CPED1: variants seen among roughly 807,000 people sequenced by gnomAD.
CPED1 encodes the protein cadherin like and PC-esterase domain containing 1, also known as cadherin-like and PC-esterase domain-containing protein 1.
In CPED1, 114 loss-of-function variants were observed where a neutral mutation model predicts 128.2. The observed-to-expected ratio is 0.89, with a 90% CI of 0.76 to 1.04. CPED1 has a LOEUF of 1.04. CPED1 is among the 50% of genes least tolerant of loss of function. The pLI is 0.00. For synonymous variants in CPED1, 462 were observed against 426.7 expected, an observed-to-expected ratio of 1.08 and a Z score of -1.02; for missense variants, 1,211 against 1,207.1, an observed-to-expected ratio of 1.00 and a Z score of -0.05.
chr7:121,026,011 ACT>A (rs1425399452), intron 3 of CPED1, among the ~76,000 whole-genome samples: 3 of 151,466 alleles, frequency 2.0e-5, no homozygotes, highest in Admixed American at 1.3e-4. Flanking sequence ...ATATTCCCTC[ACT>A]CTCTCAGCTC....
intron 18 of CPED1, among the ~76,000 whole-genome samples, chr7:121,245,382 G>A (rs961312634): frequency 1.2e-4 from 18 of 152,032 alleles, no homozygotes; most frequent in Non-Finnish European, 1.5e-5. Context: ...GTTATTAATT[G>A]AGCATTGATT....
chr7:121,015,665 G>A lies in CPED1; in HGVS notation c.250G>A (p.Val84Ile). 1 of 1,593,160 alleles carries A rather than the reference G, an allele frequency of 6.3e-7. No individual in the cohort carries two copies. Among genetic ancestry groups the A allele is most frequent in the Non-Finnish European group, 8.5e-7 (1 of 1,172,802 alleles). Reference protein sequence around the residue: ...LSGNAQETRKVKESMETHFGS... With the variant: ...LSGNAQETRKIKESMETHFGS... ...GAATTTTTATGCCTTCTTTTCTTAG[G>A]TCAAAGAATCAATGGAGACACACTT... The change falls in exon 3 of 23, where the codon GTC (valine) becomes ATC (isoleucine). Residue 84 changes from valine (V) to isoleucine (I), a missense_variant and splice_region_variant. Physicochemically the swap from Val to Ile is conservative, Grantham distance 29. Transcript: ENST00000310396.
chr7:120,998,567 C>T (rs1328193392), intron 2 of CPED1, among the ~76,000 whole-genome samples: 1 of 152,050 alleles, frequency 6.6e-6, no homozygotes, highest in Non-Finnish European at 1.5e-5. Flanking sequence ...ACCCTATAGA[C>T]CCTAACATTT....
At position 121,043,142 on chromosome 7, in the gene CPED1, A is replaced by G. The variant is rs530174487; in HGVS notation, c.434-3745A>G. Among the ~76,000 whole-genome samples the G allele has an allele frequency of 2.8e-4, 43 of 152,338 alleles. No individual in the cohort carries two copies. The South Asian group carries it at 8.9e-3, about 32-fold the overall frequency. ...TGGCAACAGCCTTGAGACAGGCTCAACATGGAAAAAAGTGTAACGAGAGAG... is the reference window on the plus strand; with the variant it reads ...TGGCAACAGCCTTGAGACAGGCTCAGCATGGAAAAAAGTGTAACGAGAGAG... On this transcript the variant is annotated intron_variant, in intron 3 of 22. Coordinates refer to ENST00000310396, the MANE Select transcript of CPED1 (RefSeq NM_024913.5).
chr7:121,171,450 A>T (rs1438255211), intron 16 of CPED1, among the ~76,000 whole-genome samples: 1 of 152,200 alleles, frequency 6.6e-6, no homozygotes, highest in Non-Finnish European at 1.5e-5. Flanking sequence ...TTGGCAGCAT[A>T]CCATTTTCCC....
intron 7 of CPED1, among the ~76,000 whole-genome samples, chr7:121,105,844 CTAT>C (rs574630988): frequency 1.4e-4 from 21 of 152,166 alleles, no homozygotes; most frequent in African/African-American, 5.1e-4. Context: ...CAACTTGGTT[CTAT>C]TAAAAGATTT....
In CPED1 at chr7:121,203,239, C is replaced by G. The variant is rs550979322; in HGVS notation, c.2056-33475C>G. ...ACCTTCACAGATCCCTTCTCTAAGA[C>G]GGAGCTGTCTATTCTCTCAGAGGCT... On this transcript the variant is annotated intron_variant, in intron 16 of 22. Coordinates refer to ENST00000310396, the MANE Select transcript of CPED1 (RefSeq NM_024913.5). 2.0e-5 allele frequency among the ~76,000 whole-genome samples: 3 copies of G among 152,164 alleles called. No homozygotes were observed. In the East Asian group the frequency reaches 5.8e-4, roughly 30 times the overall value.
chr7:121,200,187 T>A (rs1425680930), intron 16 of CPED1, among the ~76,000 whole-genome samples: 1 of 152,150 alleles, frequency 6.6e-6, no homozygotes, highest in Non-Finnish European at 1.5e-5. Flanking sequence ...ATGAATCAAT[T>A]AGGGCAATGT....
intron 18 of CPED1, chr7:121,261,570 T>C (rs1343820758): frequency 6.4e-7 from 1 of 1,570,864 alleles, no homozygotes; most frequent in Non-Finnish European, 8.6e-7. Flanking sequence ...TCAGGAATGA[T>C]GTGACCAGCT....
intron 7 of CPED1, among the ~76,000 whole-genome samples, chr7:121,115,902 C>T (rs1206569932): frequency 1.3e-5 from 2 of 152,134 alleles, no homozygotes; most frequent in Non-Finnish European, 2.9e-5. Context: ...ACAACTTTAG[C>T]TTTTGCTCTT....
intron 4 of CPED1, among the ~76,000 whole-genome samples, chr7:121,063,861 A>G (rs994952580): frequency 6.6e-6 from 1 of 152,170 alleles, no homozygotes; most frequent in Non-Finnish European, 1.5e-5. Context: ...TGAAGTGAAG[A>G]ATGTTTATGA....
chr7:121,211,750 A>T (rs573611931), intron 16 of CPED1, among the ~76,000 whole-genome samples: 10 of 151,954 alleles, frequency 6.6e-5, no homozygotes, highest in African/African-American at 2.4e-4. Flanking sequence ...AAAACTGTGG[A>T]GACTTAGAAA....
At chr7:121,145,992 A>G (rs1796017205) in intron 16 of CPED1, among the ~76,000 whole-genome samples, 2 of 152,160 alleles carry the variant, frequency 1.3e-5, no homozygotes, top group Non-Finnish European at 2.9e-5. Flanking sequence ...TTCTCCCTAC[A>G]TTTCAAATTA....
At chr7:121,277,497 G>A (rs1792353165) in intron 22 of CPED1, among the ~76,000 whole-genome samples, 1 of 152,096 alleles carries the variant, frequency 6.6e-6, no homozygotes, top group Non-Finnish European at 1.5e-5. Flanking sequence ...TTTTGGTAGA[G>A]GTGCAAGTGT....
At chr7:121,030,809 AG>A (rs1792709095) in intron 3 of CPED1, among the ~76,000 whole-genome samples, 1 of 152,184 alleles carries the variant, frequency 6.6e-6, no homozygotes, top group South Asian at 2.1e-4. Context: ...CATCCACTTG[AG>A]GGGGGAGGTC....
intron 16 of CPED1, among the ~76,000 whole-genome samples, chr7:121,209,693 G>A (rs551763168): frequency 1.3e-5 from 2 of 152,106 alleles, no homozygotes; most frequent in South Asian, 2.1e-4. Flanking sequence ...ATTGGTCTGA[G>A]CAAAGATTTC....
At chr7:121,007,231 A>AT (rs398006038) in intron 2 of CPED1, among the ~76,000 whole-genome samples, 63,992 of 129,314 alleles carry the variant, frequency 0.49, 17,149 homozygotes, top group South Asian at 0.63. Flanking sequence ...TTCAGGTTGC[A>AT]TTTTTTTTTT....
At chr7:121,120,792 C>A (rs1563033545) in intron 7 of CPED1, among the ~76,000 whole-genome samples, 1 of 151,850 alleles carries the variant, frequency 6.6e-6, no homozygotes, top group African/African-American at 2.4e-5. Context: ...AAGAGATAAG[C>A]ATGCCGTCCT....
At chr7:121,240,840 G>A (rs541838639) in intron 17 of CPED1, among the ~76,000 whole-genome samples, 2 of 149,974 alleles carry the variant, frequency 1.3e-5, no homozygotes, top group Non-Finnish European at 3.0e-5. Flanking sequence ...TCCATCCAAC[G>A]TGATGCTACA....
Sources: allele counts gnomAD v4.1 joint callset (sites outside exome capture counted in the v4.1 genomes callset), GRCh38; gene constraint gnomAD v4.1.1; transcripts MANE v1.5; gene names NCBI Gene and HGNC (gene_info 2026-07-23, HGNC 2026-07-21).